IFT88: variants seen among roughly 807,000 people sequenced by gnomAD.
The protein encoded by IFT88 is intraflagellar transport 88, also known as intraflagellar transport protein 88 homolog.
In IFT88, 74 loss-of-function variants were observed where a neutral mutation model predicts 119.5. That is an observed-to-expected ratio of 0.62 (90% CI 0.51 to 0.75). The LOEUF is 0.75. Among genes scored for constraint, IFT88 ranks in the 30% least tolerant of loss-of-function variants. The pLI is 0.00. For synonymous variants in IFT88, 279 were observed against 316.7 expected (o/e 0.88, Z 1.26); for missense variants, 961 against 977.7 (o/e 0.98, Z 0.23).
At chr13:20,593,627 A>G (rs921374022) in intron 7 of IFT88, among the ~76,000 whole-genome samples, 1 of 152,026 alleles carries the variant, frequency 6.6e-6, no homozygotes, top group African/African-American at 2.4e-5. Context: ...AGGAACCTCT[A>G]TAGAAAATCA....
At chr13:20,624,174 A>G (rs1314383334) in intron 14 of IFT88, among the ~76,000 whole-genome samples, 1 of 152,124 alleles carries the variant, frequency 6.6e-6, no homozygotes, top group African/African-American at 2.4e-5. Flanking sequence ...GTTGGGGATA[A>G]CATCCTGTGT....
intron 24 of IFT88, among the ~76,000 whole-genome samples, chr13:20,677,531 T>G (rs921357129): frequency 2.0e-5 from 3 of 152,198 alleles, no homozygotes; most frequent in African/African-American, 7.2e-5. Flanking sequence ...CAAAGGAAGA[T>G]CAGCTTCCTG....
intron 7 of IFT88, among the ~76,000 whole-genome samples, chr13:20,594,645 A>T (rs999663184): frequency 6.6e-6 from 1 of 152,212 alleles, no homozygotes; most frequent in African/African-American, 2.4e-5. Context: ...TGAATTTAAT[A>T]ATAAAATCTG....
intron 20 of IFT88, among the ~76,000 whole-genome samples, chr13:20,651,903 A>G (rs1378860904): frequency 6.6e-6 from 1 of 152,192 alleles, no homozygotes; most frequent in East Asian, 1.9e-4. Flanking sequence ...CCACTATACA[A>G]AGGAAGTTCT....
intron 7 of IFT88, among the ~76,000 whole-genome samples, chr13:20,593,732 T>C (rs1213783166): frequency 6.6e-6 from 1 of 152,002 alleles, no homozygotes; most frequent in African/African-American, 2.4e-5. Context: ...TGGCTGCTAA[T>C]AACAGAAAAC....
intron 24 of IFT88, among the ~76,000 whole-genome samples, chr13:20,679,768 AATCTTT>A (rs1342492753): frequency 6.6e-6 from 1 of 152,080 alleles, no homozygotes; most frequent in Non-Finnish European, 1.5e-5. Flanking sequence ...TTCCTTCCCA[AATCTTT>A]ATCTTTTTCA....
chr13:20,664,732 A>G (rs1409400054), intron 23 of IFT88, among the ~76,000 whole-genome samples: 1 of 152,194 alleles, frequency 6.6e-6, no homozygotes, highest in Non-Finnish European at 1.5e-5. Flanking sequence ...AACAGCCAAA[A>G]CACCAAAAAG....
At chr13:20,677,513 G>A (rs542876823) in intron 24 of IFT88, among the ~76,000 whole-genome samples, 8 of 152,302 alleles carry the variant, frequency 5.3e-5, no homozygotes, top group African/African-American at 1.9e-4. Context: ...TTTGGAAAGG[G>A]ACAGGAGCAA....
At chr13:20,646,011 A>T (rs77568708) in intron 20 of IFT88, among the ~76,000 whole-genome samples, 1 of 152,214 alleles carries the variant, frequency 6.6e-6, no homozygotes, top group East Asian at 1.9e-4. Context: ...ATTACACTTA[A>T]TACTACTCTA....
chr13:20,585,208 A>T (rs1439705837), intron 3 of IFT88, among the ~76,000 whole-genome samples: 1 of 152,212 alleles, frequency 6.6e-6, no homozygotes, highest in East Asian at 1.9e-4. Context: ...TCAGTCCTCC[A>T]CAAGACCACT....
chr13:20,584,964 C>T (rs971239684), intron 3 of IFT88, among the ~76,000 whole-genome samples: 1 of 152,216 alleles, frequency 6.6e-6, no homozygotes, highest in Non-Finnish European at 1.5e-5. Flanking sequence ...ATGCATAGGG[C>T]AGCCCCCGGT....
intron 16 of IFT88, among the ~76,000 whole-genome samples, chr13:20,632,432 A>G (rs1210611127): frequency 1.3e-5 from 2 of 152,302 alleles, no homozygotes; most frequent in African/African-American, 2.4e-5. Flanking sequence ...AGGGTGGTAA[A>G]CTATTATAAG....
chr13:20,685,365 G>C (rs1335282251), intron 24 of IFT88, among the ~76,000 whole-genome samples: 1 of 152,148 alleles, frequency 6.6e-6, no homozygotes, highest in African/African-American at 2.4e-5. Context: ...TTTATGGCCA[G>C]TTTCTTTAAG....
At chr13:20,600,753 G>C (rs1460831558) in intron 11 of IFT88, among the ~76,000 whole-genome samples, 1 of 152,170 alleles carries the variant, frequency 6.6e-6, no homozygotes, top group Non-Finnish European at 1.5e-5. Flanking sequence ...CAGCAATTCT[G>C]CTTTTAGGTA....
intron 16 of IFT88, among the ~76,000 whole-genome samples, chr13:20,635,134 AT>A (rs2048828751): frequency 6.6e-6 from 1 of 151,904 alleles, no homozygotes. Context: ...TGAATTCATC[AT>A]TTTTTATGGC....
chr13:20,675,589 A>G (rs1368780646), intron 24 of IFT88, among the ~76,000 whole-genome samples: 1 of 152,124 alleles, frequency 6.6e-6, no homozygotes, highest in East Asian at 1.9e-4. Context: ...GGGTGTGCAG[A>G]CTTTTTCTGT....
intron 22 of IFT88, 84 bp downstream of exon 22, chr13:20,656,514 A>G (rs2052835822): frequency 1.3e-5 from 7 of 550,594 alleles, no homozygotes; most frequent in Admixed American, 7.0e-5. Context: ...TGCTACAGTA[A>G]TTGTATACGT....
In IFT88 at chr13:20,631,003, A is replaced by T; in HGVS notation, c.1300-13A>T. 1.3e-6 allele frequency: 2 copies of T among 1,499,418 alleles called. No individual in the cohort carries two copies. The highest frequency in any genetic ancestry group is 1.9e-6 in the Non-Finnish European group (2 of 1,076,070). The allele number at this position is 1,499,418 out of a possible 1,614,324, so 92.9% of individuals were successfully genotyped here. A position where few individuals can be genotyped will look rare whatever the true frequency, so the allele number is the denominator to read the frequency against. On this transcript the variant is annotated splice_polypyrimidine_tract_variant and intron_variant, in intron 15 of 25. Coordinates refer to ENST00000351808, the MANE Select transcript of IFT88 (RefSeq NM_006531.5). The stretch of plus-strand genomic sequence containing the variant: ...ATTACAGTGGTAGTAACCTTCAGAT[A>T]TTCCATTTCTAGGCTGTAGAGATCT...
chr13:20,666,116 G>A (rs2054632250), intron 23 of IFT88, among the ~76,000 whole-genome samples: 1 of 152,190 alleles, frequency 6.6e-6, no homozygotes, highest in Admixed American at 6.5e-5. Context: ...TAAATGCGTA[G>A]TATGGTGGAC....
Sources: allele counts gnomAD v4.1 joint callset (sites outside exome capture counted in the v4.1 genomes callset), GRCh38; gene constraint gnomAD v4.1.1; transcripts MANE v1.5; gene names NCBI Gene and HGNC (gene_info 2026-07-23, HGNC 2026-07-21).